MARVELD3: variants seen among roughly 807,000 people sequenced by gnomAD.
MARVELD3 encodes the protein MARVEL domain containing 3.
Under a neutral mutation model 33.5 loss-of-function variants are expected in MARVELD3, and 28 were observed. The ratio of observed to expected loss-of-function variants is 0.84; its 90% CI spans 0.62 to 1.15. The LOEUF (loss-of-function observed/expected upper bound fraction) is 1.15, where lower values mean the gene tolerates loss of function less well. Ranked by LOEUF, MARVELD3 falls within the 50% of genes most tolerant of loss-of-function variation. The pLI is 0.00. For synonymous variants in MARVELD3, 241 were observed against 230.4 expected, an observed-to-expected ratio of 1.05 and a Z score of -0.42; for missense variants, 582 against 547.6, an observed-to-expected ratio of 1.06 and a Z score of -0.63.
downstream of MARVELD3, among the ~76,000 whole-genome samples, chr16:71,639,982 G>A (rs1279310241): frequency 1.3e-5 from 2 of 152,156 alleles, no homozygotes; most frequent in African/African-American, 2.4e-5. Flanking sequence ...ATATACTGAT[G>A]TTGAGGCTGG....
chr16:71,628,642 T>C (rs2044498075), intron 1 of MARVELD3, among the ~76,000 whole-genome samples: 2 of 151,838 alleles, frequency 1.3e-5, no homozygotes. Context: ...AGTCATCTTT[T>C]GAGGGGAAGG....
chr16:71,629,569 G>A, intron 2 of MARVELD3, 75 bp downstream of exon 2: 1 of 1,424,700 alleles, frequency 7.0e-7, no homozygotes, highest in Non-Finnish European at 9.2e-7. Context: ...AGCTGGTGAA[G>A]CAAAAATTTA....
At chr16:71,640,264 C>CAA (rs370433791), downstream of MARVELD3, 5,774 of 874,878 alleles carry the variant, frequency 6.6e-3, no homozygotes, top group Middle Eastern at 8.2e-3. Flanking sequence ...GACACCGTCT[C>CAA]AAAAAAAAAA....
chr16:71,627,878 C>G (rs1218244209), intron 1 of MARVELD3, among the ~76,000 whole-genome samples: 1 of 152,174 alleles, frequency 6.6e-6, no homozygotes, highest in Non-Finnish European at 1.5e-5. Context: ...GTGCCCCACA[C>G]GGTGAACTGT....
intron 1 of MARVELD3, among the ~76,000 whole-genome samples, chr16:71,628,260 C>T (rs1005427786): frequency 1.3e-5 from 2 of 152,126 alleles, no homozygotes; most frequent in Admixed American, 6.6e-5. Context: ...CCGAGCCGGA[C>T]GCGGTGGCTC....
chr16:71,634,124 G>A, intron 2 of MARVELD3, 69 bp from the exon 3 acceptor site: 8 of 1,545,484 alleles, frequency 5.2e-6, no homozygotes, highest in Non-Finnish European at 7.0e-6. Flanking sequence ...CGGAAGGTGG[G>A]CCTCAGGTGG....
Position 71,626,527 on chromosome 16 carries a change from C to T in MARVELD3, c.298C>T (p.Arg100Cys). The T allele has an allele frequency of 6.5e-7, 1 of 1,549,718 alleles. No homozygotes were observed. Among genetic ancestry groups the T allele is most frequent in the South Asian group, 1.2e-5 (1 of 84,056 alleles). The change falls in exon 1 of 3, where the codon CGC becomes TGC. Residue 100 changes from arginine to cysteine, a missense_variant. By Grantham distance (180) the Arg-to-Cys change is radical. Coordinates refer to ENST00000268485, the MANE Select transcript of MARVELD3 (RefSeq NM_052858.6). This position sits in a 1 kb window ranked among gnomAD's most constrained non-coding sequence, Gnocchi z 5.3. ...GGACACACACAGGGACGCGGGCCCT[C>T]GCGCAGGTGAACACGGAGTTTGGGA... is the stretch of plus-strand genomic sequence containing the variant. Reference protein sequence around the residue: ...RRDTHRDAGPRAGEHGVWEKP... With the variant: ...RRDTHRDAGPCAGEHGVWEKP...
intron 2 of MARVELD3, 71 bp from the exon 3 acceptor site, chr16:71,634,122 G>A (rs1248763615): frequency 6.5e-7 from 1 of 1,543,468 alleles, no homozygotes; most frequent in Non-Finnish European, 8.7e-7. Flanking sequence ...CGCGGAAGGT[G>A]GGCCTCAGGT....
rs557716650 is a variant in MARVELD3 at position 71,630,898 on chromosome 16, C to T, written c.595+1404C>T. ...ACACTTCCAGCCTATCATGTATCCA[C>T]CCCAAATGTGGCGTCCCCAGGTTCC... On this transcript the variant is annotated intron_variant, in intron 2 of 2. Transcript: ENST00000268485. Among the ~76,000 whole-genome samples the T allele has an allele frequency of 1.2e-3, 189 of 152,256 alleles. 4 individuals carry two copies. The South Asian group carries it at 0.038, about 30-fold the overall frequency.
At chr16:71,641,715 C>A (rs554435752) in exon 3 of MARVELD3, 1 of 152,228 alleles carries the variant, frequency 6.6e-6, no homozygotes, top group African/African-American at 2.4e-5. Flanking sequence ...CTCCACGTCA[C>A]TGCACTCCAG....
Position 71,636,185 on chromosome 16 carries a change from A to C in MARVELD3, c.*1382A>C. The C allele has an allele frequency of 6.1e-6, 6 of 978,510 alleles. No individual in the cohort carries two copies. Among genetic ancestry groups the C allele is most frequent in the Non-Finnish European group, 7.3e-6 (6 of 823,492 alleles). 60.6% of individuals were successfully genotyped at this position (978,510 alleles called of 1,614,324 possible). ...GTTCTTTGCTTTATGTGAATCCAAT[A>C]AAAAATCCAAAGAATTTTAATTTGG... On this transcript the variant is annotated 3_prime_UTR_variant, in exon 3 of 3. Transcript: ENST00000268485.
chr16:71,627,975 C>T (rs1318267268), intron 1 of MARVELD3, among the ~76,000 whole-genome samples: 2 of 152,212 alleles, frequency 1.3e-5, no homozygotes, highest in Non-Finnish European at 2.9e-5. Flanking sequence ...CCTGGCCTCT[C>T]CTCTAGGGAG....
chr16:71,634,327 T>C lies in MARVELD3; in HGVS notation c.730T>C (p.Tyr244His), dbSNP rs1206056757. The C allele has an allele frequency of 6.2e-7, 1 of 1,614,172 alleles. No homozygotes were observed. The highest frequency in any genetic ancestry group is 8.5e-7 in the Non-Finnish European group (1 of 1,180,028). The change falls in exon 3 of 3, where the codon TAC becomes CAC. Residue 244 changes from tyrosine to histidine, a missense_variant. Transcript: ENST00000268485. Reference protein sequence around the residue: ...GIYYYQFGGAYSGFDGADGEK... With the variant: ...GIYYYQFGGAHSGFDGADGEK... ...TTACTACTATCAGTTCGGAGGGGCT[T>C]ACAGTGGCTTTGATGGTGCTGACGG...
downstream of MARVELD3, chr16:71,637,962 T>C (rs1414406412): frequency 3.9e-5 from 6 of 152,162 alleles, no homozygotes; most frequent in African/African-American, 1.2e-4. Flanking sequence ...TGGGTGAAGA[T>C]TGGCAGACTT....
chr16:71,638,856 CCAT>C (rs2044598261), downstream of MARVELD3: 3 of 151,004 alleles, frequency 2.0e-5, no homozygotes, highest in African/African-American at 7.3e-5. Context: ...GTGAGCAGCA[CCAT>C]GATGCAATCC....
At position 71,626,690 on chromosome 16, in the gene MARVELD3, C is replaced by G. The variant is rs1167508943; in HGVS notation, c.461C>G (p.Pro154Arg). 6.7e-7 allele frequency: 1 copy of G among 1,489,334 alleles called. No individual in the cohort carries two copies. The highest frequency in any genetic ancestry group is 1.4e-5 in the African/African-American group (1 of 71,090). 92.3% of individuals were successfully genotyped at this position (1,489,334 alleles called of 1,614,324 possible). A position where few individuals can be genotyped will look rare whatever the true frequency, so the allele number is the denominator to read the frequency against. Residue 154 changes from proline to arginine, a missense_variant, in exon 1 of 3, where the codon CCC (proline) becomes CGC (arginine). Physicochemically the swap from Pro to Arg is moderately radical, Grantham distance 103 (BLOSUM62 -2). Transcript: ENST00000268485. The surrounding 1 kb of genome is among the most constrained non-coding windows in gnomAD (Gnocchi z 5.3). ...AAGGGAGACCCCGGGCGCCGCAGAC[C>G]CGAAAGGTGAGAGGGGCCGGGGCGC... ...QRKGDPGRRR[P>R]ESEPPSERYL... is the part of the protein sequence containing the mutation.
intron 1 of MARVELD3, among the ~76,000 whole-genome samples, chr16:71,627,084 C>A (rs2145270043): frequency 6.6e-6 from 1 of 152,342 alleles, no homozygotes; most frequent in East Asian, 1.9e-4. Flanking sequence ...AGACCCTTGT[C>A]CCGTGTTCCA....
Position 71,626,543 on chromosome 16 carries a change from G to C in MARVELD3, c.314G>C (p.Gly105Ala). 6.5e-7 allele frequency: 1 copy of C among 1,549,500 alleles called. No individual in the cohort carries two copies. The highest frequency in any genetic ancestry group is 8.7e-7 in the Non-Finnish European group (1 of 1,146,876). Reference sequence around the variant, plus strand: ...GCGGGCCCTCGCGCAGGTGAACACGGAGTTTGGGAAAAACCGCGCCAAAGC... The same window carrying C: ...GCGGGCCCTCGCGCAGGTGAACACGCAGTTTGGGAAAAACCGCGCCAAAGC... ...RDAGPRAGEH[G>A]VWEKPRQSRT... Residue 105 changes from glycine (G) to alanine (A), a missense_variant, in exon 1 of 3, where the codon GGA (glycine) becomes GCA (alanine). Gly to Ala is a moderately conservative substitution (Grantham distance 60). Coordinates refer to ENST00000268485, the MANE Select transcript of MARVELD3 (RefSeq NM_052858.6). The surrounding 1 kb of genome is among the most constrained non-coding windows in gnomAD (Gnocchi z 5.3).
intron 2 of MARVELD3, among the ~76,000 whole-genome samples, chr16:71,629,853 C>T (rs1218065864): frequency 1.3e-5 from 2 of 152,112 alleles, no homozygotes; most frequent in Non-Finnish European, 2.9e-5. Context: ...GCTGAATTAA[C>T]AGAGAGGGAA....
Sources: allele counts gnomAD v4.1 joint callset (sites outside exome capture counted in the v4.1 genomes callset), GRCh38; gene constraint gnomAD v4.1.1; non-coding constraint Gnocchi (gnomAD v3.1); transcripts MANE v1.5; gene names NCBI Gene and HGNC (gene_info 2026-07-23, HGNC 2026-07-21).